Variants in SELENOO observed in about 807,000 individuals in gnomAD.
The protein encoded by SELENOO is protein adenylyltransferase SelO, mitochondrial.
In SELENOO, 74 loss-of-function variants were observed where a neutral mutation model predicts 58.7. The observed-to-expected ratio is 1.26, with a 90% CI of 1.04 to 1.53. SELENOO has a LOEUF of 1.53. Ranked by LOEUF, SELENOO falls within the 40% of genes most tolerant of loss-of-function variation. The pLI is 0.00. For synonymous variants in SELENOO, 543 were observed against 453.2 expected, an observed-to-expected ratio of 1.20 and a Z score of -2.52; for missense variants, 1,149 against 970.0, an observed-to-expected ratio of 1.18 and a Z score of -2.45.
chr22:50,213,319 AGTGCTG>A (rs2071747329), intron 5 of SELENOO, among the ~76,000 whole-genome samples: 2 of 152,074 alleles, frequency 1.3e-5, no homozygotes, highest in African/African-American at 4.8e-5. Flanking sequence ...AGCCTCCCAA[AGTGCTG>A]GGATTCTGGG....
rs547499912 is a variant in SELENOO, at chr22:50,213,525, G to A, written c.1352-2192G>A. ...GCTGGGCAGAGCGTCCTGTACCCGT[G>A]TGCCCTGGAGAAGACGGTGTGCTCT... On this transcript the variant is annotated intron_variant, in intron 5 of 8. Transcript: ENST00000380903. 2.0e-4 allele frequency among the ~76,000 whole-genome samples: 31 copies of A among 152,304 alleles called. No homozygotes were observed. The South Asian group carries it at 2.1e-3, about 10-fold the overall frequency.
In SELENOO at chr22:50,217,375, T is replaced by C. The variant is rs1372459682; in HGVS notation, c.*6T>C. 1 of 1,612,424 alleles carries C rather than the reference T, an allele frequency of 6.2e-7. No homozygotes were observed. Among genetic ancestry groups the C allele is most frequent in the Non-Finnish European group, 8.5e-7 (1 of 1,179,810 alleles). On this transcript the variant is annotated 3_prime_UTR_variant, in exon 9 of 9. Coordinates refer to ENST00000380903, the MANE Select transcript of SELENOO (RefSeq NM_031454.2). ...GCGTGACATGATCTTCGTAACGGCC[T>C]CGGCACGCTCCACACCCCTGGAGTC...
intron 5 of SELENOO, among the ~76,000 whole-genome samples, chr22:50,213,810 G>C (rs576297074): frequency 5.5e-5 from 3 of 54,100 alleles, no homozygotes; most frequent in East Asian, 1.2e-3. Context: ...ACCACGCCCG[G>C]GTAATTTTTT....
In SELENOO at chr22:50,216,391, G is replaced by A. The variant is rs190438519; in HGVS notation, c.1503-300G>A. Among the ~76,000 whole-genome samples, 346 of 152,392 alleles carry A rather than the reference G, an allele frequency of 2.3e-3. 2 individuals carry two copies. The highest frequency in any genetic ancestry group is 0.019 in the South Asian group (94 of 4,832). ...TCTGGAAATGAGGGAAGTGCTAACAGCAGTGCCCATCCCACAAGCATTAAA... is the reference window on the plus strand; with the variant it reads ...TCTGGAAATGAGGGAAGTGCTAACAACAGTGCCCATCCCACAAGCATTAAA... On this transcript the variant is annotated intron_variant, in intron 6 of 8. Transcript: ENST00000380903.
chr22:50,207,991 CTG>C lies in SELENOO; in HGVS notation c.759-542_759-541del, dbSNP rs1440980996. ...GGGCCTGCCCGGCACGTGCCCCAGACTGTGCAGACAGGGCCTGGTCAGTGGCT... is the reference window on the plus strand; with the variant it reads ...GGGCCTGCCCGGCACGTGCCCCAGACTGCAGACAGGGCCTGGTCAGTGGCT... On this transcript the variant is annotated intron_variant, in intron 2 of 8. Coordinates refer to ENST00000380903, the MANE Select transcript of SELENOO (RefSeq NM_031454.2). Among the ~76,000 whole-genome samples, 9 of 151,266 alleles carry C rather than the reference CTG, an allele frequency of 5.9e-5. No homozygotes were observed. The South Asian group carries it at 1.7e-3, about 29-fold the overall frequency.
intron 3 of SELENOO, among the ~76,000 whole-genome samples, chr22:50,209,799 G>C (rs1466346816): frequency 6.6e-6 from 1 of 152,130 alleles, no homozygotes; most frequent in Non-Finnish European, 1.5e-5. Flanking sequence ...GGTTGGGGGG[G>C]GCCAGGCCAG....
chr22:50,210,675 G>A lies in SELENOO; in HGVS notation c.1115G>A (p.Arg372His), dbSNP rs200020208. Residue 372 changes from arginine (R) to histidine (H), a missense_variant, in exon 5 of 9, where the codon CGC becomes CAC. Coordinates refer to ENST00000380903, the MANE Select transcript of SELENOO (RefSeq NM_031454.2). ...HVCNASDNTG[R>H]YAYSKQPEVC... ...TGCAATGCCTCCGACAACACCGGCCGCTACGCGTACAGCAAGCAGCCCGAG... is the reference window on the plus strand; with the variant it reads ...TGCAATGCCTCCGACAACACCGGCCACTACGCGTACAGCAAGCAGCCCGAG... 5.9e-5 allele frequency: 95 copies of A among 1,613,172 alleles called. No individual in the cohort carries two copies. The highest frequency in any genetic ancestry group is 7.1e-5 in the Non-Finnish European group (84 of 1,179,950).
intron 2 of SELENOO, 97 bp from the exon 3 acceptor site, chr22:50,208,439 A>T: frequency 8.2e-7 from 1 of 1,217,144 alleles, no homozygotes; most frequent in South Asian, 1.5e-5. Context: ...TCAAAAAAAA[A>T]AAAAAAATAG....
chr22:50,205,182 G>C (rs1036670731), intron 1 of SELENOO, among the ~76,000 whole-genome samples: 20 of 152,230 alleles, frequency 1.3e-4, no homozygotes, highest in Admixed American at 1.1e-3. Flanking sequence ...GCCAGTGTTC[G>C]ATGGGGACAA....
chr22:50,217,113 C>CG lies in SELENOO; in HGVS notation c.1834dup (p.Asp612GlyfsTer44). On this transcript the variant is annotated frameshift_variant, in exon 8 of 9. Coordinates refer to ENST00000380903, the MANE Select transcript of SELENOO (RefSeq NM_031454.2). LOFTEE classifies it low-confidence loss of function (END_TRUNC). ...AGAATGCCATCGAGGCTGCCGAGCG[C>CG]GGGGACTTCTCAGAGGCAAGCACAC... The CG allele has an allele frequency of 6.2e-7, 1 of 1,612,948 alleles. No individual in the cohort carries two copies. Among genetic ancestry groups the CG allele is most frequent in the Non-Finnish European group, 8.5e-7 (1 of 1,179,886 alleles).
At chr22:50,210,597 A>G (rs1482361727) in intron 4 of SELENOO, 34 bp from the exon 5 acceptor site, 12 of 1,612,358 alleles carry the variant, frequency 7.4e-6, no homozygotes, top group Middle Eastern at 1.7e-4. Context: ...ACTTCCTCTC[A>G]GGCAGGGCGT....
At chr22:50,215,963 TG>T in intron 6 of SELENOO, 96 bp downstream of exon 6, 1 of 1,185,444 alleles carries the variant, frequency 8.4e-7, no homozygotes, top group Non-Finnish European at 1.2e-6. Context: ...CAGAGCTGGC[TG>T]GGGCCCAGGT....
Position 50,211,990 on chromosome 22 carries a change from A to C in SELENOO, c.1351+1079A>C, listed in dbSNP as rs113871714. Among the ~76,000 whole-genome samples the C allele has an allele frequency of 6.6e-3, 1,005 of 152,344 alleles. 12 individuals are homozygous for C. Among genetic ancestry groups the C allele is most frequent in the African/African-American group, 0.023 (944 of 41,566 alleles). ...AGTACTGGGATTATAGGCGTGAGCC[A>C]CCGCACCCAGCCATATGCTGTATAA... is the stretch of plus-strand genomic sequence containing the variant. On this transcript the variant is annotated intron_variant, in intron 5 of 8. Transcript: ENST00000380903.
In SELENOO at chr22:50,215,783, T is replaced by G. The variant is rs574317354; in HGVS notation, c.1418T>G (p.Leu473Arg). 6 of 1,612,572 alleles carry G rather than the reference T, an allele frequency of 3.7e-6. No homozygotes were observed. ...SFPVELESPG[L>R]AEFLARLMEQ... Reference sequence around the variant, plus strand: ...CCAGTGGAGCTAGAGTCGCCAGGCCTGGCGGAATTCCTGGCCAGGCTGATG... The same window carrying G: ...CCAGTGGAGCTAGAGTCGCCAGGCCGGGCGGAATTCCTGGCCAGGCTGATG... Residue 473 changes from leucine to arginine, a missense_variant, in exon 6 of 9, where the codon CTG (leucine) becomes CGG (arginine). Physicochemically the swap from Leu to Arg is moderately radical, Grantham distance 102 (BLOSUM62 -2). Coordinates refer to ENST00000380903, the MANE Select transcript of SELENOO (RefSeq NM_031454.2).
chr22:50,214,219 G>T (rs915797955), intron 5 of SELENOO, among the ~76,000 whole-genome samples: 6 of 152,184 alleles, frequency 3.9e-5, no homozygotes, highest in Non-Finnish European at 5.9e-5. Context: ...GCGGCTCACT[G>T]CAGCCTCCAC....
At position 50,206,169 on chromosome 22, in the gene SELENOO, A is replaced by T. The variant is rs542120492; in HGVS notation, c.555-148A>T. ...GGGCGGTGTTGGAGGCTCACAAGGCACCTGATGTCACCTGGGACGGGCGGT... is the reference window on the plus strand; with the variant it reads ...GGGCGGTGTTGGAGGCTCACAAGGCTCCTGATGTCACCTGGGACGGGCGGT... On this transcript the variant is annotated intron_variant, in intron 1 of 8. Coordinates refer to ENST00000380903, the MANE Select transcript of SELENOO (RefSeq NM_031454.2). 8 of 654,558 alleles carry T rather than the reference A, an allele frequency of 1.2e-5. No individual in the cohort carries two copies. In the South Asian group the frequency reaches 1.5e-4, roughly 12 times the overall value. The allele number at this position is 654,558 out of a possible 1,614,324, so 40.5% of individuals were successfully genotyped here. A position where few individuals can be genotyped will look rare whatever the true frequency, so the allele number is the denominator to read the frequency against.
chr22:50,206,055 G>A, intron 1 of SELENOO: 1 of 553,040 alleles, frequency 1.8e-6, no homozygotes, highest in East Asian at 3.1e-5. Flanking sequence ...CCTCGTTCTG[G>A]GCAGGAAGAC....
rs777175347 is a variant in SELENOO, at chr22:50,210,219, G to T, written c.978G>T (p.Gln326His). The change falls in exon 4 of 9, where the codon CAG (glutamine) becomes CAT (histidine). Residue 326 changes from glutamine (Q) to histidine (H), a missense_variant. Gln to His is a conservative substitution (Grantham distance 24, BLOSUM62 0). Transcript: ENST00000380903. ...CGGCGCGGATGGTGGCCGAGTGGCAGTGTGTGGGCTTCTGCCACGGCGTGC... is the reference window on the plus strand; with the variant it reads ...CGGCGCGGATGGTGGCCGAGTGGCATTGTGTGGGCTTCTGCCACGGCGTGC... ...RRTARMVAEW[Q>H]CVGFCHGVLN... The T allele has an allele frequency of 3.0e-5, 49 of 1,613,312 alleles. No homozygotes were observed. The highest frequency in any genetic ancestry group is 1.2e-4 in the Admixed American group (7 of 59,988).
At position 50,201,597 on chromosome 22, in the gene SELENOO, C is replaced by CGGGGCGGGCGAGG. The variant is rs2064301797; in HGVS notation, c.554+10_554+22dup. 1 of 1,273,880 alleles carries CGGGGCGGGCGAGG rather than the reference C, an allele frequency of 7.9e-7. No homozygotes were observed. Among genetic ancestry groups the CGGGGCGGGCGAGG allele is most frequent in the Admixed American group, 4.1e-5 (1 of 24,162 alleles). The allele number at this position is 1,273,880 out of a possible 1,614,324, so 78.9% of individuals were successfully genotyped here. A position where few individuals can be genotyped will look rare whatever the true frequency, so the allele number is the denominator to read the frequency against. On this transcript the variant is annotated splice_region_variant and intron_variant, in intron 1 of 8. Transcript: ENST00000380903. Reference sequence around the variant, plus strand: ...GGCCCACGCCCTTCTCCAGGTGGGCCGGGGCGGGCGAGGGGCGCGGGTGGG... The same window carrying CGGGGCGGGCGAGG: ...GGCCCACGCCCTTCTCCAGGTGGGCCGGGGCGGGCGAGGGGGGCGGGCGAGGGGCGCGGGTGGG...
Sources: gnomAD v4.1 joint callset for allele counts (sites outside exome capture counted in the v4.1 genomes callset) on GRCh38, gnomAD v4.1.1 for gene constraint, MANE v1.5 for transcripts, NCBI Gene and HGNC (gene_info 2026-07-23, HGNC 2026-07-21) for gene names.